Variants in MSH3 observed in about 807,000 individuals in gnomAD.
The protein encoded by MSH3 is mutS homolog 3, also known as DNA mismatch repair protein Msh3.
Under a neutral mutation model 123.3 loss-of-function variants are expected in MSH3, and 106 were observed. The observed-to-expected ratio is 0.86, with a 90% confidence interval of 0.73 to 1.01. MSH3 has a LOEUF of 1.01. Among genes scored for constraint, MSH3 ranks in the 50% least tolerant of loss-of-function variants. The probability of loss-of-function intolerance (pLI) is 0.00; values close to 1 mark genes in which losing one functional copy is unlikely to be tolerated. For missense variants in MSH3, 1,459 were observed against 1,347.6 expected (o/e 1.08, Z -1.29); for synonymous variants, 515 against 481.4 (o/e 1.07, Z -0.91).
At chr5:80,822,746 CCA>C (rs1401005111) in intron 20 of MSH3, among the ~76,000 whole-genome samples, 2 of 152,184 alleles carry the variant, frequency 1.3e-5, no homozygotes, top group Non-Finnish European at 2.9e-5. Context: ...GAGGCACCAC[CCA>C]CACAGAATGG....
At position 80,728,849 on chromosome 5, in the gene MSH3, A is replaced by G. The variant is rs1554070317; in HGVS notation, c.1454-2A>G. ...AACAAGTTAATATATTCTGTTTTCT[A>G]GGTTCTCAAATTATTTCTGGCATTG... is the stretch of plus-strand genomic sequence containing the variant. On this transcript the variant is annotated splice_acceptor_variant, in intron 9 of 23. Transcript: ENST00000265081. LOFTEE classifies it high-confidence loss of function. 17 of 1,513,276 alleles carry G rather than the reference A, an allele frequency of 1.1e-5. No individual in the cohort carries two copies. The highest frequency in any genetic ancestry group is 1.6e-5 in the Non-Finnish European group (17 of 1,089,564). The allele number at this position is 1,513,276 out of a possible 1,614,324, so 93.7% of individuals were successfully genotyped here. A position where few individuals can be genotyped will look rare whatever the true frequency, so the allele number is the denominator to read the frequency against.
At chr5:80,833,898 A>C (rs897329832) in intron 20 of MSH3, among the ~76,000 whole-genome samples, 2 of 152,250 alleles carry the variant, frequency 1.3e-5, no homozygotes, top group African/African-American at 4.8e-5. Flanking sequence ...TCAGAGAGAA[A>C]ATAAGAATTG....
rs1744149615 is a variant in MSH3 at position 80,767,932 on chromosome 5, G to A, written c.1897-1G>A. On this transcript the variant is annotated splice_acceptor_variant, in intron 13 of 23. Coordinates refer to ENST00000265081, the MANE Select transcript of MSH3 (RefSeq NM_002439.5). LOFTEE classifies it high-confidence loss of function. Reference sequence around the variant, plus strand: ...TTCATAAAAAATATTTCTATTTTCAGTGTTCTACCCAAGAGTTCTTCTTGA... The same window carrying A: ...TTCATAAAAAATATTTCTATTTTCAATGTTCTACCCAAGAGTTCTTCTTGA... 5.0e-6 allele frequency: 8 copies of A among 1,601,046 alleles called. No individual in the cohort carries two copies. Among genetic ancestry groups the A allele is most frequent in the Middle Eastern group, 3.3e-4 (2 of 6,018 alleles).
intron 3 of MSH3, 129 bp downstream of exon 3, chr5:80,665,492 G>C: frequency 1.4e-6 from 1 of 725,280 alleles, no homozygotes; most frequent in Non-Finnish European, 2.3e-6. Flanking sequence ...ATCTGAGGGA[G>C]CTTTTGTGTT....
chr5:80,805,057 C>T (rs1744863243), intron 19 of MSH3, among the ~76,000 whole-genome samples: 1 of 152,166 alleles, frequency 6.6e-6, no homozygotes. Context: ...GGCCAAAAGA[C>T]CCACAGGAAT....
chr5:80,863,103 C>G (rs1190170162), intron 21 of MSH3, among the ~76,000 whole-genome samples: 1 of 152,122 alleles, frequency 6.6e-6, no homozygotes, highest in East Asian at 1.9e-4. Context: ...TTTGGCATCC[C>G]CAGTTATGTA....
intron 20 of MSH3, among the ~76,000 whole-genome samples, chr5:80,822,759 G>C (rs571113250): frequency 6.6e-6 from 1 of 152,324 alleles, no homozygotes; most frequent in East Asian, 1.9e-4. Flanking sequence ...CACAGAATGG[G>C]ATAATGGCAG....
chr5:80,687,827 A>G (rs1311152380), intron 8 of MSH3, among the ~76,000 whole-genome samples: 2 of 152,186 alleles, frequency 1.3e-5, no homozygotes, highest in African/African-American at 2.4e-5. Context: ...TGTACTGCCT[A>G]GATGGGACAG....
At chr5:80,821,058 GTGT>G (rs35822047) in intron 20 of MSH3, among the ~76,000 whole-genome samples, 614 of 152,246 alleles carry the variant, frequency 4.0e-3, no homozygotes, top group Non-Finnish European at 6.8e-3. Flanking sequence ...ATATTTCAGG[GTGT>G]TGTCATGTAG....
Position 80,665,351 on chromosome 5 carries a change from A to G in MSH3, c.567A>G (p.Gln189=), listed in dbSNP as rs1354731566. 2 of 1,611,448 alleles carry G rather than the reference A, an allele frequency of 1.2e-6. No individual in the cohort carries two copies. The highest frequency in any genetic ancestry group is 1.7e-6 in the Non-Finnish European group (2 of 1,179,164). Residue 189 remains glutamine, a synonymous_variant, in exon 3 of 24, where the codon CAA becomes CAG. Transcript: ENST00000265081. ...NAVSSEDSKR[Q]INQKDTTLFD... ...TTTCTTCTGAAGATTCGAAACGTCA[A>G]ATTAATCAAAAGGTATGTAACTGCT...
At position 80,768,006 on chromosome 5, in the gene MSH3, C is replaced by T. The variant is rs996312502; in HGVS notation, c.1970C>T (p.Pro657Leu). 11 of 1,613,432 alleles carry T rather than the reference C, an allele frequency of 6.8e-6. No homozygotes were observed. The highest frequency in any genetic ancestry group is 9.3e-6 in the Non-Finnish European group (11 of 1,179,522). Reference sequence around the variant, plus strand: ...AAGTCAGAATTTCAAGCAATAATACCTGCTGTTAATTCCCACATTCAGTCA... The same window carrying T: ...AAGTCAGAATTTCAAGCAATAATACTTGCTGTTAATTCCCACATTCAGTCA... Reference protein sequence around the residue: ...HLKSEFQAIIPAVNSHIQSDL... With the variant: ...HLKSEFQAIILAVNSHIQSDL... Residue 657 changes from proline to leucine, a missense_variant, in exon 14 of 24, where the codon CCT becomes CTT. Coordinates refer to ENST00000265081, the MANE Select transcript of MSH3 (RefSeq NM_002439.5).
chr5:80,780,552 A>G (rs1168469568), intron 17 of MSH3, among the ~76,000 whole-genome samples: 1 of 152,170 alleles, frequency 6.6e-6, no homozygotes, highest in Non-Finnish European at 1.5e-5. Flanking sequence ...GTCTAAATAC[A>G]TCTGTTAGTC....
At chr5:80,784,846 A>T (rs934662931) in intron 17 of MSH3, among the ~76,000 whole-genome samples, 3 of 152,198 alleles carry the variant, frequency 2.0e-5, no homozygotes, top group African/African-American at 7.2e-5. Context: ...TAGATAAGTT[A>T]TATTCATTAT....
intron 19 of MSH3, 57 bp downstream of exon 19, chr5:80,792,901 CAAAG>C: frequency 9.1e-7 from 1 of 1,094,800 alleles, no homozygotes; most frequent in Non-Finnish European, 1.4e-6. Context: ...TTTTACATAC[CAAAG>C]AAACATTTTT....
intron 20 of MSH3, among the ~76,000 whole-genome samples, chr5:80,841,928 T>G (rs1347524105): frequency 6.6e-6 from 1 of 152,244 alleles, no homozygotes; most frequent in Non-Finnish European, 1.5e-5. Context: ...CATTTGTCAA[T>G]TTTGGCTTTT....
intron 19 of MSH3, among the ~76,000 whole-genome samples, chr5:80,807,262 A>T (rs928303141): frequency 6.6e-6 from 1 of 152,038 alleles, no homozygotes; most frequent in Admixed American, 6.6e-5. Context: ...AATGAAACCA[A>T]TTTTACCATA....
chr5:80,714,745 T>C (rs2112847608), intron 8 of MSH3, among the ~76,000 whole-genome samples: 1 of 152,328 alleles, frequency 6.6e-6, no homozygotes, highest in African/African-American at 2.4e-5. Flanking sequence ...GCCTCTTGTG[T>C]TCACTCTAGG....
chr5:80,775,552 T>C, intron 15 of MSH3, 142 bp from the exon 16 acceptor site: 1 of 618,158 alleles, frequency 1.6e-6, no homozygotes, highest in South Asian at 2.0e-5. Context: ...TGTATTGACA[T>C]ATATACAGTC....
intron 12 of MSH3, among the ~76,000 whole-genome samples, chr5:80,753,307 T>C (rs969341240): frequency 1.3e-5 from 2 of 152,138 alleles, no homozygotes; most frequent in Admixed American, 6.6e-5. Flanking sequence ...ACTGTCAGTT[T>C]CTAGGATCTG....
Sources: allele counts gnomAD v4.1 joint callset (sites outside exome capture counted in the v4.1 genomes callset), GRCh38; gene constraint gnomAD v4.1.1; transcripts MANE v1.5; gene names NCBI Gene and HGNC (gene_info 2026-07-23, HGNC 2026-07-21).